Variants in RBFOX1 observed in about 807,000 individuals in gnomAD.
RBFOX1 encodes the protein RNA binding protein fox-1 homolog 1.
RBFOX1 carries 8 observed loss-of-function variants against 57.7 expected under a neutral mutation model. That is an observed-to-expected ratio of 0.14 (90% CI 0.08 to 0.25). The LOEUF (loss-of-function observed/expected upper bound fraction) is 0.25. Ranked by LOEUF, RBFOX1 falls within the 10% of genes least tolerant of loss-of-function variation. The pLI, the probability that RBFOX1 is intolerant of heterozygous loss-of-function variation, is 1.00. For synonymous variants in RBFOX1, 326 were observed against 222.4 expected, an observed-to-expected ratio of 1.47 and a Z score of -4.15; for missense variants, 611 against 548.5, an observed-to-expected ratio of 1.11 and a Z score of -1.14.
intron 3 of RBFOX1, among the ~76,000 whole-genome samples, chr16:5,753,023 G>A (rs1261565422): frequency 6.6e-6 from 1 of 152,026 alleles, no homozygotes; most frequent in Non-Finnish European, 1.5e-5. Context: ...TTAGCCAGAT[G>A]TGTGGCTACA....
intron 4 of RBFOX1, among the ~76,000 whole-genome samples, chr16:7,108,669 A>G (rs1046888413): frequency 1.3e-5 from 2 of 152,178 alleles, no homozygotes; most frequent in African/African-American, 2.4e-5. Context: ...AAGCAATGCA[A>G]CAATTTTGCA....
intron 2 of RBFOX1, among the ~76,000 whole-genome samples, chr16:6,642,573 C>G (rs1386467827): frequency 1.1e-4 from 16 of 151,814 alleles, no homozygotes; most frequent in Admixed American, 6.6e-5. Context: ...ATGGAAGCCT[C>G]TTGTCCTCTC....
At chr16:6,442,428 G>C (rs2795569) in intron 2 of RBFOX1, among the ~76,000 whole-genome samples, 1 of 151,896 alleles carries the variant, frequency 6.6e-6, no homozygotes, top group Non-Finnish European at 1.5e-5. Context: ...ATGGTGGCAC[G>C]CGCCTGTAAT....
intron 5 of RBFOX1, among the ~76,000 whole-genome samples, chr16:7,554,418 C>G (rs562939660): frequency 1.3e-5 from 2 of 152,202 alleles, no homozygotes; most frequent in Non-Finnish European, 2.9e-5. Context: ...GGTCAGTTAA[C>G]ATACTCAAGG....
At position 5,873,908 on chromosome 16, in the gene RBFOX1, C is replaced by G. The variant is rs146136038; in HGVS notation, c.351+6573C>G. 3.6e-3 allele frequency among the ~76,000 whole-genome samples: 554 copies of G among 151,840 alleles called. 6 individuals are homozygous for G. Among genetic ancestry groups the G allele is most frequent in the African/African-American group, 0.012 (496 of 41,390 alleles). On this transcript the variant is annotated intron_variant, in intron 4 of 19. Coordinates refer to the RBFOX1 transcript ENST00000641259. Reference sequence around the variant, plus strand: ...TCATCAGGTAAAGAAAAGTCAAGGGCCTGAGAAAAGGAAGAGATGGGAAAA... The same window carrying G: ...TCATCAGGTAAAGAAAAGTCAAGGGGCTGAGAAAAGGAAGAGATGGGAAAA...
chr16:7,603,116 A>G (rs936962194), intron 9 of RBFOX1, among the ~76,000 whole-genome samples: 4 of 152,222 alleles, frequency 2.6e-5, no homozygotes, highest in Admixed American at 2.6e-4. Flanking sequence ...CGCCTACATC[A>G]AAAAAGTAAT....
At chr16:5,817,892 G>GGTTTCCCTA (rs2055701056) in intron 3 of RBFOX1, among the ~76,000 whole-genome samples, 1 of 151,674 alleles carries the variant, frequency 6.6e-6, no homozygotes, top group Non-Finnish European at 1.5e-5. Flanking sequence ...GGGATTCACC[G>GGTTTCCCTA]TGTTAGCCAG....
intron 4 of RBFOX1, among the ~76,000 whole-genome samples, chr16:7,389,919 A>G (rs972164012): frequency 1.3e-5 from 2 of 152,126 alleles, no homozygotes; most frequent in Non-Finnish European, 2.9e-5. Flanking sequence ...ATACTGTTAT[A>G]AAGAGATACC....
intron 2 of RBFOX1, among the ~76,000 whole-genome samples, chr16:6,536,882 A>T (rs1399623450): frequency 6.6e-6 from 1 of 152,194 alleles, no homozygotes; most frequent in East Asian, 1.9e-4. Flanking sequence ...AGAATCTTAG[A>T]ATAATTTGGA....
intron 1 of RBFOX1, among the ~76,000 whole-genome samples, chr16:5,259,134 A>G (rs919742841): frequency 3.3e-5 from 5 of 151,782 alleles, no homozygotes; most frequent in African/African-American, 1.2e-4. Flanking sequence ...GTGCACATGG[A>G]GTGTCCTCAT....
chr16:7,018,059 C>G (rs886912051), intron 3 of RBFOX1, among the ~76,000 whole-genome samples: 3 of 152,032 alleles, frequency 2.0e-5, no homozygotes, highest in African/African-American at 7.2e-5. Context: ...GCGTGGCCAG[C>G]TCCTCCAGCC....
At chr16:6,949,411 C>T (rs1464784745) in intron 3 of RBFOX1, among the ~76,000 whole-genome samples, 1 of 152,166 alleles carries the variant, frequency 6.6e-6, no homozygotes, top group Non-Finnish European at 1.5e-5. Flanking sequence ...TGGCTAGGGG[C>T]ACCATAACAA....
intron 4 of RBFOX1, among the ~76,000 whole-genome samples, chr16:7,108,887 G>C (rs1229397508): frequency 1.3e-5 from 2 of 152,198 alleles, no homozygotes; most frequent in African/African-American, 4.8e-5. Flanking sequence ...CTATGCATCT[G>C]TGAAAAGAAG....
rs368483053 is a variant in RBFOX1 at position 6,820,454 on chromosome 16, C to T, written c.-16+165804C>T. 1.1e-4 allele frequency among the ~76,000 whole-genome samples: 16 copies of T among 152,102 alleles called. 1 individual carries two copies. The highest frequency in any genetic ancestry group is 3.1e-4 in the African/African-American group (13 of 41,504). Reference sequence around the variant, plus strand: ...GAAAAATCAGTTGAGGCCAGGAGTTCGACACCAGCATGGGAAAGATAGAAA... The same window carrying T: ...GAAAAATCAGTTGAGGCCAGGAGTTTGACACCAGCATGGGAAAGATAGAAA... On this transcript the variant is annotated intron_variant, in intron 3 of 15. Transcript: ENST00000550418.
intron 3 of RBFOX1, among the ~76,000 whole-genome samples, chr16:5,631,766 A>G (rs115647284): frequency 0.019 from 2,923 of 152,186 alleles, 91 homozygotes; most frequent in African/African-American, 0.065. Flanking sequence ...TATTTATTCA[A>G]TGAAGTGTCC....
intron 1 of RBFOX1, among the ~76,000 whole-genome samples, chr16:6,077,977 G>C (rs1164697374): frequency 2.6e-5 from 4 of 152,144 alleles, no homozygotes; most frequent in African/African-American, 9.7e-5. Flanking sequence ...CAGTAAAATG[G>C]AGAGAACTTT....
At chr16:6,800,035 T>C (rs1372285042) in intron 3 of RBFOX1, among the ~76,000 whole-genome samples, 2 of 152,172 alleles carry the variant, frequency 1.3e-5, no homozygotes, top group Non-Finnish European at 2.9e-5. Flanking sequence ...AGAACCCTAA[T>C]ACACCATCTA....
At chr16:6,987,419 C>A (rs920660373) in intron 3 of RBFOX1, among the ~76,000 whole-genome samples, 1 of 151,030 alleles carries the variant, frequency 6.6e-6, no homozygotes, top group African/African-American at 2.4e-5. Flanking sequence ...TCCCGAGCCA[C>A]TAGGCTTATC....
chr16:7,130,410 T>C (rs527278241), intron 4 of RBFOX1, among the ~76,000 whole-genome samples: 19 of 152,294 alleles, frequency 1.2e-4, no homozygotes, highest in African/African-American at 4.3e-4. Context: ...TCTCTGAGCG[T>C]ATTCACATTA....
Sources: gnomAD v4.1 joint callset for allele counts (sites outside exome capture counted in the v4.1 genomes callset) on GRCh38, gnomAD v4.1.1 for gene constraint, MANE v1.5 for transcripts, NCBI Gene and HGNC (gene_info 2026-07-23, HGNC 2026-07-21) for gene names.